The following RBPJ variants were observed in gnomAD, a reference collection of about 807,000 sequenced individuals.
RBPJ encodes recombining binding protein suppressor of hairless.
RBPJ carries 9 observed loss-of-function variants against 67.8 expected under a neutral mutation model. The observed-to-expected ratio is 0.13, with a 90% CI of 0.08 to 0.23. The LOEUF (loss-of-function observed/expected upper bound fraction) is 0.23. Among genes scored for constraint, RBPJ ranks in the 10% least tolerant of loss-of-function variants. The pLI is 1.00. For synonymous variants in RBPJ, 198 were observed against 203.3 expected, an observed-to-expected ratio of 0.97 and a Z score of 0.22; for missense variants, 305 against 595.6, an observed-to-expected ratio of 0.51 and a Z score of 5.08.
At chr4:26,397,077 C>T (rs1732195059) in intron 2 of RBPJ, among the ~76,000 whole-genome samples, 1 of 152,192 alleles carries the variant, frequency 6.6e-6, no homozygotes, top group South Asian at 2.1e-4. Context: ...GAAAATGAAA[C>T]CTACAAATAT....
At chr4:26,139,541 TG>T in the RBPJ span, among the ~76,000 whole-genome samples, 2 of 152,214 alleles carry the variant, frequency 1.3e-5, no homozygotes, top group African/African-American at 4.8e-5. Context: ...GTGTCCCCCC[TG>T]GGGCTGTGCT....
At chr4:26,373,664 G>A (rs114910450) in intron 1 of RBPJ, among the ~76,000 whole-genome samples, 133 of 152,250 alleles carry the variant, frequency 8.7e-4, no homozygotes, top group Non-Finnish European at 1.6e-3. Context: ...GAAAAAAAGC[G>A]TTCTTTGCAG....
At chr4:26,162,224 CAG>C (rs1716100161), upstream of RBPJ, among the ~76,000 whole-genome samples, 1 of 152,192 alleles carries the variant, frequency 6.6e-6, no homozygotes, top group African/African-American at 2.4e-5. Context: ...CCCTGGAACA[CAG>C]GGTGGTCACA....
chr4:26,166,335 C>T (rs1234555838), intron 1 of RBPJ, among the ~76,000 whole-genome samples: 2 of 121,760 alleles, frequency 1.6e-5, no homozygotes, highest in East Asian at 2.2e-4. Flanking sequence ...GTCCCACCAA[C>T]AGTGTAAAAG....
Position 26,215,035 on chromosome 4 carries a change from A to T in RBPJ, c.-167+51421A>T, listed in dbSNP as rs1271650815. Among the ~76,000 whole-genome samples, 3 of 57,564 alleles carry T rather than the reference A, an allele frequency of 5.2e-5. 1 individual carries two copies. Among genetic ancestry groups the T allele is most frequent in the Non-Finnish European group, 3.5e-5 (1 of 28,448 alleles). The allele number at this position is 57,564 out of a possible 152,430, so 37.8% of individuals were successfully genotyped here. A position where few individuals can be genotyped will look rare whatever the true frequency, so the allele number is the denominator to read the frequency against. On this transcript the variant is annotated intron_variant, in intron 1 of 4. Transcript: ENST00000512351. ...AGGAGAGAAAGAAAGAAAGAAAAGA[A>T]AGAGGGAGGGAGGGAAGAGAGAGAG...
At chr4:26,129,012 C>G in the RBPJ span, among the ~76,000 whole-genome samples, 1 of 152,164 alleles carries the variant, frequency 6.6e-6, no homozygotes, top group African/African-American at 2.4e-5. Context: ...ATTACCCAGT[C>G]GTGGGTATGT....
At chr4:26,356,610 GTTCTT>G (rs1426126713) in intron 1 of RBPJ, among the ~76,000 whole-genome samples, 2 of 151,988 alleles carry the variant, frequency 1.3e-5, no homozygotes, top group Non-Finnish European at 2.9e-5. Flanking sequence ...TTCTTCTTTA[GTTCTT>G]TTCTTATCAG....
rs140232192 is a variant in RBPJ at position 26,413,438 on chromosome 4, A to C, written c.156-2037A>C. Among the ~76,000 whole-genome samples, 267 of 152,156 alleles carry C rather than the reference A, an allele frequency of 1.8e-3. 2 individuals carry two copies. The highest frequency in any genetic ancestry group is 6.1e-3 in the African/African-American group (253 of 41,518). ...TTTCACTCATTTATCTGTTTTTATT[A>C]TCTCTCTCCTATTAGAGTGTAAGTT... On this transcript the variant is annotated intron_variant, in intron 3 of 10. Transcript: ENST00000355476.
chr4:26,129,016 G>T, the RBPJ span, among the ~76,000 whole-genome samples: 3 of 152,192 alleles, frequency 2.0e-5, no homozygotes, highest in East Asian at 5.8e-4. Context: ...CCCAGTCGTG[G>T]GTATGTCTTT....
the RBPJ span, among the ~76,000 whole-genome samples, chr4:26,114,103 A>T: frequency 6.6e-6 from 1 of 152,212 alleles, no homozygotes; most frequent in Non-Finnish European, 1.5e-5. Flanking sequence ...AATGGACAAT[A>T]TTCATTTACT....
intron 1 of RBPJ, among the ~76,000 whole-genome samples, chr4:26,223,899 C>G (rs925210594): frequency 6.6e-6 from 1 of 152,182 alleles, no homozygotes; most frequent in African/African-American, 2.4e-5. Context: ...GGAATCCATG[C>G]TCTATAATTA....
Position 26,430,070 on chromosome 4 carries a change from C to T in RBPJ, c.1044+17C>T, listed in dbSNP as rs1268236510. 16 of 1,613,542 alleles carry T rather than the reference C, an allele frequency of 9.9e-6. No individual in the cohort carries two copies. In the South Asian group the frequency reaches 1.8e-4, roughly 18 times the overall value. The stretch of plus-strand genomic sequence containing the variant: ...AGCCTTCAGGTGAGAACGCCTAGTC[C>T]AAGTTGGCCTTCAGCTCTTTGCAGC... On this transcript the variant is annotated intron_variant, in intron 9 of 10. Coordinates refer to ENST00000355476, the MANE Select transcript of RBPJ (RefSeq NM_015874.6). The surrounding 1 kb of genome is among the most constrained non-coding windows in gnomAD (Gnocchi z 4.1).
the RBPJ span, among the ~76,000 whole-genome samples, chr4:26,156,655 A>G: frequency 2.0e-5 from 3 of 151,604 alleles, no homozygotes; most frequent in African/African-American, 4.8e-5. Flanking sequence ...GGGTTTCACT[A>G]TGTTGGCCAG....
chr4:26,263,877 T>TTG (rs1553854618), intron 1 of RBPJ, among the ~76,000 whole-genome samples: 14 of 150,116 alleles, frequency 9.3e-5, no homozygotes, highest in African/African-American at 3.5e-4. Flanking sequence ...GTCTTTTTTT[T>TTG]TTTTGTTTTT....
At chr4:26,374,115 T>C (rs1729463125) in intron 1 of RBPJ, among the ~76,000 whole-genome samples, 1 of 151,980 alleles carries the variant, frequency 6.6e-6, no homozygotes, top group South Asian at 2.1e-4. Flanking sequence ...AATTTTTGTA[T>C]TTTTAGTAGA....
chr4:26,245,409 A>G (rs892403835), intron 1 of RBPJ, among the ~76,000 whole-genome samples: 1 of 151,932 alleles, frequency 6.6e-6, no homozygotes, highest in Non-Finnish European at 1.5e-5. Flanking sequence ...GGGTTTCACC[A>G]TGTTGGTCAG....
intron 1 of RBPJ, among the ~76,000 whole-genome samples, chr4:26,263,776 T>C (rs944776232): frequency 6.6e-6 from 1 of 151,904 alleles, no homozygotes; most frequent in Admixed American, 6.6e-5. Flanking sequence ...TTCACCATAT[T>C]GGCCGGGCTG....
In RBPJ at chr4:26,424,512, G is replaced by A. The variant is rs769200560; in HGVS notation, c.634+33G>A. 10 of 1,605,170 alleles carry A rather than the reference G, an allele frequency of 6.2e-6. No homozygotes were observed. Among genetic ancestry groups the A allele is most frequent in the Non-Finnish European group, 8.5e-6 (10 of 1,174,634 alleles). Reference sequence around the variant, plus strand: ...TAAAAGTGTGCATTTAATGTTTTTAGTGTGAAATTGTTAAAATCTTTTGAT... The same window carrying A: ...TAAAAGTGTGCATTTAATGTTTTTAATGTGAAATTGTTAAAATCTTTTGAT... On this transcript the variant is annotated intron_variant, in intron 6 of 10. Coordinates refer to ENST00000355476, the MANE Select transcript of RBPJ (RefSeq NM_015874.6). The surrounding 1 kb of genome is among the most constrained non-coding windows in gnomAD (Gnocchi z 5.3).
the RBPJ span, among the ~76,000 whole-genome samples, chr4:26,143,689 G>A: frequency 6.6e-6 from 1 of 152,228 alleles, no homozygotes; most frequent in African/African-American, 2.4e-5. Flanking sequence ...CACTTTGGGA[G>A]GCCAAGGCAG....
Sources: gnomAD v4.1 joint callset for allele counts (sites outside exome capture counted in the v4.1 genomes callset) on GRCh38, gnomAD v4.1.1 for gene constraint, Gnocchi (gnomAD v3.1) non-coding constraint, MANE v1.5 for transcripts, NCBI Gene and HGNC (gene_info 2026-07-23, HGNC 2026-07-21) for gene names.